The following B4GALT7 variants were observed in gnomAD, a reference collection of about 807,000 sequenced individuals.
B4GALT7 encodes the protein UDP-Gal:beta-GlcNAc beta-1,4-galactosyltransferase 7.
Under a neutral mutation model 33.0 loss-of-function variants are expected in B4GALT7, and 30 were observed. The ratio of observed to expected loss-of-function variants is 0.91; its 90% CI spans 0.68 to 1.23. The LOEUF is 1.23. B4GALT7 is among the 50% of genes most tolerant of loss of function. The pLI is 0.00. For synonymous variants in B4GALT7, 213 were observed against 187.2 expected (o/e 1.14, Z -1.13); for missense variants, 507 against 450.8 (o/e 1.12, Z -1.13).
rs2127509662 is a variant in B4GALT7 at position 177,600,252 on chromosome 5, G to A, written c.42G>A (p.Glu14=). 7.3e-7 allele frequency: 1 copy of A among 1,371,404 alleles called. No individual in the cohort carries two copies. The highest frequency in any genetic ancestry group is 9.5e-7 in the Non-Finnish European group (1 of 1,055,848). 85.0% of individuals were successfully genotyped at this position (1,371,404 alleles called of 1,614,324 possible). A position where few individuals can be genotyped will look rare whatever the true frequency, so the allele number is the denominator to read the frequency against. ...SRRKAAQLPW[E]DGRSGLLSGG... The stretch of plus-strand genomic sequence containing the variant: ...GGAAAGCGGCGCAGCTGCCCTGGGA[G>A]GACGGCAGGTGAGCGGCGGCGGTGG... Residue 14 remains glutamate (E), a synonymous_variant, in exon 1 of 6, where the codon GAG becomes GAA. Coordinates refer to ENST00000029410, the MANE Select transcript of B4GALT7 (RefSeq NM_007255.3). This position sits in a 1 kb window ranked among gnomAD's most constrained non-coding sequence, Gnocchi z 4.4.
In B4GALT7 at chr5:177,606,726, G is replaced by C; in HGVS notation, c.414-576G>C. 4.6e-6 allele frequency: 1 copy of C among 215,684 alleles called. No homozygotes were observed. The highest frequency in any genetic ancestry group is 2.3e-5 in the African/African-American group (1 of 43,778). The allele number at this position is 215,684 out of a possible 1,614,324, so 13.4% of individuals were successfully genotyped here. ...AAAGCCCCGTCCTTCAGTGGCCCTT[G>C]GGCCTTGTGCAGTCACTGTGTCACC... On this transcript the variant is annotated intron_variant, in intron 2 of 5. Coordinates refer to ENST00000029410, the MANE Select transcript of B4GALT7 (RefSeq NM_007255.3). This position sits in a 1 kb window ranked among gnomAD's most constrained non-coding sequence, Gnocchi z 4.2.
rs1208341829 is a variant in B4GALT7, at chr5:177,600,257, GC to G, written c.48del (p.Arg17GlyfsTer103). ...RKAAQLPWED[G>X]RSGLLSGGLP... is the part of the protein sequence containing the mutation. ...GCGGCGCAGCTGCCCTGGGAGGACG[GC>G]AGGTGAGCGGCGGCGGTGGGCCCGG... On this transcript the variant is annotated frameshift_variant and splice_region_variant, in exon 1 of 6. Coordinates refer to ENST00000029410, the MANE Select transcript of B4GALT7 (RefSeq NM_007255.3). LOFTEE classifies it high-confidence loss of function. This position sits in a 1 kb window ranked among gnomAD's most constrained non-coding sequence, Gnocchi z 4.4. 1 of 1,359,774 alleles carries G rather than the reference GC, an allele frequency of 7.4e-7. No homozygotes were observed. Among genetic ancestry groups the G allele is most frequent in the South Asian group, 1.6e-5 (1 of 60,912 alleles). The allele number at this position is 1,359,774 out of a possible 1,614,324, so 84.2% of individuals were successfully genotyped here. A position where few individuals can be genotyped will look rare whatever the true frequency, so the allele number is the denominator to read the frequency against.
At chr5:177,605,396 C>T (rs1046044421) in intron 2 of B4GALT7, among the ~76,000 whole-genome samples, 5 of 152,266 alleles carry the variant, frequency 3.3e-5, no homozygotes, top group African/African-American at 1.2e-4. Flanking sequence ...GCCCTCTGCC[C>T]TGCTGGGAGC....
At position 177,609,622 on chromosome 5, in the gene B4GALT7, G is replaced by C; in HGVS notation, c.911G>C (p.Gly304Ala). The C allele has an allele frequency of 1.9e-6, 3 of 1,614,008 alleles. No individual in the cohort carries two copies. The highest frequency in any genetic ancestry group is 2.5e-6 in the Non-Finnish European group (3 of 1,180,032). The part of the protein sequence containing the change: ...VASRTALSVG[G>A]APCTVLNIML... The stretch of plus-strand genomic sequence containing the variant: ...TCCCGCACTGCCCTGTCTGTGGGCG[G>C]GGCCCCCTGCACTGTCCTCAACATC... Residue 304 changes from glycine (G) to alanine (A), a missense_variant, in exon 6 of 6, where the codon GGG becomes GCG. Transcript: ENST00000029410.
chr5:177,602,075 C>A (rs1400366721), intron 1 of B4GALT7, among the ~76,000 whole-genome samples: 1 of 152,136 alleles, frequency 6.6e-6, no homozygotes, highest in African/African-American at 2.4e-5. Flanking sequence ...TCTACCCTGT[C>A]CCCAGAAAAA....
Position 177,604,340 on chromosome 5 carries a change from C to G in B4GALT7, c.212C>G (p.Pro71Arg), listed in dbSNP as rs767582708. 6.2e-7 allele frequency: 1 copy of G among 1,610,704 alleles called. No homozygotes were observed. Among genetic ancestry groups the G allele is most frequent in the Admixed American group, 1.7e-5 (1 of 59,782 alleles). The change falls in exon 2 of 6, where the codon CCT (proline) becomes CGT (arginine). Residue 71 changes from proline (P) to arginine (R), a missense_variant. Transcript: ENST00000029410. ...GGACAAGGGCAGGAGACCTCGGGCC[C>G]TCCCCGTGCCTGCCCCCCAGAGCCG... is the stretch of plus-strand genomic sequence containing the variant. ...VRGQGQETSG[P>R]PRACPPEPPP...
At chr5:177,601,204 TAGAA>T (rs149007863) in intron 1 of B4GALT7, among the ~76,000 whole-genome samples, 2,911 of 152,296 alleles carry the variant, frequency 0.019, 59 homozygotes, top group African/African-American at 0.05. Context: ...AGGAATATAA[TAGAA>T]AGCGTGGACT....
chr5:177,609,022 C>T lies in B4GALT7; in HGVS notation c.828+8C>T. ...ATCGCAGCTCAAAAACAGGTGCTGGCAGGGCTCCTCATTGGGGACAGATAG... is the reference window on the plus strand; with the variant it reads ...ATCGCAGCTCAAAAACAGGTGCTGGTAGGGCTCCTCATTGGGGACAGATAG... On this transcript the variant is annotated splice_region_variant and intron_variant, in intron 5 of 5. Transcript: ENST00000029410. 2 of 1,606,736 alleles carry T rather than the reference C, an allele frequency of 1.2e-6. No homozygotes were observed. The highest frequency in any genetic ancestry group is 1.7e-6 in the Non-Finnish European group (2 of 1,177,632).
intron 1 of B4GALT7, among the ~76,000 whole-genome samples, chr5:177,602,363 C>G (rs1767869808): frequency 1.3e-5 from 2 of 152,192 alleles, no homozygotes; most frequent in Admixed American, 1.3e-4. Context: ...CTGCCTTACC[C>G]CTTTCTGTAA....
At position 177,609,970 on chromosome 5, in the gene B4GALT7, T is replaced by G; in HGVS notation, c.*275T>G. 1 of 511,758 alleles carries G rather than the reference T, an allele frequency of 2.0e-6. No homozygotes were observed. 31.7% of individuals were successfully genotyped at this position (511,758 alleles called of 1,614,324 possible). ...CCCTGCCTTCCTGCTCACCCTACTC[T>G]GACCTCCTTCACGTGCCCAGGCCTG... On this transcript the variant is annotated 3_prime_UTR_variant, in exon 6 of 6. Transcript: ENST00000029410.
At chr5:177,602,264 G>A (rs1023810165) in intron 1 of B4GALT7, among the ~76,000 whole-genome samples, 1 of 152,160 alleles carries the variant, frequency 6.6e-6, no homozygotes, top group Non-Finnish European at 1.5e-5. Flanking sequence ...GGGCCTGGCT[G>A]CAAGGCTACT....
Position 177,603,937 on chromosome 5 carries a change from A to C in B4GALT7, c.51-242A>C, listed in dbSNP as rs549454205. ...TTGAGGAGCCGGGGCAGCTCTGTGA[A>C]CTGGGAGTGGTTCAGAGGGCTTCCC... is the stretch of plus-strand genomic sequence containing the variant. On this transcript the variant is annotated intron_variant, in intron 1 of 5. Transcript: ENST00000029410. The C allele has an allele frequency of 5.3e-6, 3 of 570,216 alleles. No homozygotes were observed. The East Asian group carries it at 9.2e-5, about 17-fold the overall frequency. The allele number at this position is 570,216 out of a possible 1,614,324, so 35.3% of individuals were successfully genotyped here.
chr5:177,608,793 TCTC>T lies in B4GALT7; in HGVS notation c.724-113_724-111del, dbSNP rs1768091781. ...CAGTTCCTTGCCCTGTGGGCCCCAG[TCTC>T]CTCTCCTGCAGGCTGGGAGTGCAGG... On this transcript the variant is annotated intron_variant, in intron 4 of 5. Coordinates refer to ENST00000029410, the MANE Select transcript of B4GALT7 (RefSeq NM_007255.3). The surrounding 1 kb of genome is among the most constrained non-coding windows in gnomAD (Gnocchi z 4.1). 3.5e-6 allele frequency: 4 copies of T among 1,136,556 alleles called. No individual in the cohort carries two copies. The Admixed American group carries it at 7.1e-5, about 20-fold the overall frequency. The allele number at this position is 1,136,556 out of a possible 1,614,324, so 70.4% of individuals were successfully genotyped here. A position where few individuals can be genotyped will look rare whatever the true frequency, so the allele number is the denominator to read the frequency against.
At chr5:177,609,516 G>A (rs748771607) in intron 5 of B4GALT7, 24 bp from the exon 6 acceptor site, 3 of 1,612,424 alleles carry the variant, frequency 1.9e-6, no homozygotes, top group Non-Finnish European at 2.5e-6. Flanking sequence ...CTGAGTCCGT[G>A]CTCTTTCCTC....
chr5:177,604,138 C>G, intron 1 of B4GALT7, 41 bp from the exon 2 acceptor site: 1 of 1,612,038 alleles, frequency 6.2e-7, no homozygotes, highest in Non-Finnish European at 8.5e-7. Flanking sequence ...ACAGGGCCAG[C>G]CCTGCCCCGC....
chr5:177,604,545 G>A lies in B4GALT7; in HGVS notation c.413+4G>A, dbSNP rs761866281. ...TCAACCAGGTGGACCACTTCAGGTA[G>A]CGCCCGCCCCCACCCTCTCCCCTCG... is the stretch of plus-strand genomic sequence containing the variant. On this transcript the variant is annotated splice_donor_region_variant and intron_variant, in intron 2 of 5. Coordinates refer to ENST00000029410, the MANE Select transcript of B4GALT7 (RefSeq NM_007255.3). 1.2e-6 allele frequency: 2 copies of A among 1,613,650 alleles called. No homozygotes were observed. Among genetic ancestry groups the A allele is most frequent in the Non-Finnish European group, 1.7e-6 (2 of 1,179,928 alleles).
Position 177,606,781 on chromosome 5 carries a change from G to A in B4GALT7, c.414-521G>A, listed in dbSNP as rs558572272. On this transcript the variant is annotated intron_variant, in intron 2 of 5. Coordinates refer to ENST00000029410, the MANE Select transcript of B4GALT7 (RefSeq NM_007255.3). The surrounding 1 kb of genome is among the most constrained non-coding windows in gnomAD (Gnocchi z 4.2). ...ACATCCCCACCTCTGCCCTCGCCCT[G>A]CCCAGCTGCCCGTTGGTCTGCTCCT... is the stretch of plus-strand genomic sequence containing the variant. 1 of 250,006 alleles carries A rather than the reference G, an allele frequency of 4.0e-6. No homozygotes were observed. The highest frequency in any genetic ancestry group is 9.8e-5 in the East Asian group (1 of 10,228). The allele number at this position is 250,006 out of a possible 1,614,324, so 15.5% of individuals were successfully genotyped here.
chr5:177,609,835 C>A lies in B4GALT7; in HGVS notation c.*140C>A. On this transcript the variant is annotated 3_prime_UTR_variant, in exon 6 of 6. Transcript: ENST00000029410. ...AGCAAGCTACGCAATTGCAGCCACC[C>A]GGCCGCCAAGGCAGGCTTGGGCTGG... 1 of 1,210,708 alleles carries A rather than the reference C, an allele frequency of 8.3e-7. No homozygotes were observed. The highest frequency in any genetic ancestry group is 1.2e-6 in the Non-Finnish European group (1 of 861,160). The allele number at this position is 1,210,708 out of a possible 1,614,324, so 75.0% of individuals were successfully genotyped here. A position where few individuals can be genotyped will look rare whatever the true frequency, so the allele number is the denominator to read the frequency against.
intron 1 of B4GALT7, chr5:177,602,740 G>T: frequency 1.3e-6 from 1 of 750,248 alleles, no homozygotes; most frequent in Non-Finnish European, 1.6e-6. Flanking sequence ...GGTCATGGAG[G>T]GCTTTGACTG....
Sources: allele counts gnomAD v4.1 joint callset (sites outside exome capture counted in the v4.1 genomes callset), GRCh38; gene constraint gnomAD v4.1.1; non-coding constraint Gnocchi (gnomAD v3.1); transcripts MANE v1.5; gene names NCBI Gene and HGNC (gene_info 2026-07-23, HGNC 2026-07-21).